Variants in CSMD1 observed in about 807,000 individuals in gnomAD.
CSMD1 encodes the protein CUB and Sushi multiple domains 1.
CSMD1 carries 213 observed loss-of-function variants against 417.5 expected under a neutral mutation model. The observed-to-expected ratio is 0.51, with a 90% CI of 0.46 to 0.57. CSMD1 has a LOEUF of 0.57. Among genes scored for constraint, CSMD1 ranks in the 20% least tolerant of loss-of-function variants. The pLI, the probability that CSMD1 is intolerant of heterozygous loss-of-function variation, is 0.00. For synonymous variants in CSMD1, 2,862 were observed against 1,736.8 expected, an observed-to-expected ratio of 1.65 and a Z score of -16.11; for missense variants, 6,923 against 4,529.7, an observed-to-expected ratio of 1.53 and a Z score of -15.17.
intron 68 of CSMD1, among the ~76,000 whole-genome samples, chr8:2,944,160 C>G (rs1802066365): frequency 6.6e-6 from 1 of 152,212 alleles, no homozygotes; most frequent in Non-Finnish European, 1.5e-5. Flanking sequence ...AGATGCCAGA[C>G]ACTTGCTCTC....
At chr8:4,453,048 G>A (rs987776869) in intron 2 of CSMD1, among the ~76,000 whole-genome samples, 7 of 152,138 alleles carry the variant, frequency 4.6e-5, no homozygotes, top group Non-Finnish European at 5.9e-5. Context: ...TTTCAAGCAT[G>A]TTGTGCTAGG....
chr8:3,404,118 G>C (rs1290450686), intron 15 of CSMD1, among the ~76,000 whole-genome samples: 1 of 152,096 alleles, frequency 6.6e-6, no homozygotes, highest in African/African-American at 2.4e-5. Context: ...CTTCTCCTCT[G>C]AGGTCAGGAG....
chr8:3,458,071 C>A (rs1261333120), intron 12 of CSMD1, among the ~76,000 whole-genome samples: 1 of 152,208 alleles, frequency 6.6e-6, no homozygotes, highest in Non-Finnish European at 1.5e-5. Context: ...TGGAGAACGT[C>A]TCCCAGGAAG....
intron 37 of CSMD1, among the ~76,000 whole-genome samples, chr8:3,169,270 T>C (rs1024233726): frequency 6.6e-6 from 1 of 152,180 alleles, no homozygotes; most frequent in Non-Finnish European, 1.5e-5. Context: ...TTTCAGGACT[T>C]TGGATTTGGC....
intron 1 of CSMD1, among the ~76,000 whole-genome samples, chr8:4,987,205 T>C (rs1484876964): frequency 6.6e-6 from 1 of 152,180 alleles, no homozygotes; most frequent in Non-Finnish European, 1.5e-5. Flanking sequence ...AATCCACTTA[T>C]TCAGAATCAT....
At chr8:4,310,697 G>T (rs1214166253) in intron 3 of CSMD1, among the ~76,000 whole-genome samples, 1 of 152,094 alleles carries the variant, frequency 6.6e-6, no homozygotes, top group Non-Finnish European at 1.5e-5. Flanking sequence ...AACAACCATA[G>T]AACCTGCAAG....
At chr8:4,295,025 T>TACATATAATATATGTATATATTATAC (rs1238170886) in intron 3 of CSMD1, among the ~76,000 whole-genome samples, 2 of 149,180 alleles carry the variant, frequency 1.3e-5, no homozygotes, top group East Asian at 4.0e-4. Flanking sequence ...AGATTATATA[T>TACATATAATATATGTATATATTATAC]ACATATAATA....
At chr8:3,914,450 C>G (rs17067962) in intron 5 of CSMD1, among the ~76,000 whole-genome samples, 1 of 151,968 alleles carries the variant, frequency 6.6e-6, no homozygotes, top group African/African-American at 2.4e-5. Flanking sequence ...CTATTTCTAA[C>G]GCTAATTATT....
chr8:3,572,885 T>C (rs549920293), intron 10 of CSMD1, among the ~76,000 whole-genome samples: 45 of 152,344 alleles, frequency 3.0e-4, no homozygotes, highest in African/African-American at 1.0e-3. Flanking sequence ...CTTCAGAACT[T>C]TTCTAAATTC....
intron 3 of CSMD1, among the ~76,000 whole-genome samples, chr8:4,379,485 G>A (rs960361150): frequency 6.6e-6 from 1 of 152,140 alleles, no homozygotes. Context: ...TTTGACAATT[G>A]CATTCTGGTT....
rs575051897 is a variant in CSMD1 at position 3,422,151 on chromosome 8, T to C, written c.1562-12546A>G. 5.9e-5 allele frequency among the ~76,000 whole-genome samples: 9 copies of C among 152,298 alleles called. No homozygotes were observed. The East Asian group carries it at 1.7e-3, about 29-fold the overall frequency. ...AAGGTCACTCTACTCTGCACCAGTGTTTCATTCCTTTGAAACTTAGTTTCA... is the reference window on the plus strand; with the variant it reads ...AAGGTCACTCTACTCTGCACCAGTGCTTCATTCCTTTGAAACTTAGTTTCA... On this transcript the variant is annotated intron_variant, in intron 12 of 69. Transcript: ENST00000635120.
In CSMD1 at chr8:4,486,100, T is replaced by C. The variant is rs558850032; in HGVS notation, c.303-66035A>G. 2.2e-3 allele frequency among the ~76,000 whole-genome samples: 324 copies of C among 146,948 alleles called. 3 individuals carry two copies. Among genetic ancestry groups the C allele is most frequent in the African/African-American group, 7.7e-3 (306 of 39,816 alleles). ...TTCTCTTTCTCTTTCATCATACATA[T>C]ATATGTATGTATATATACATACATA... On this transcript the variant is annotated intron_variant, in intron 2 of 69. Coordinates refer to ENST00000635120, the MANE Select transcript of CSMD1 (RefSeq NM_033225.6).
In CSMD1 at chr8:4,938,288, T is replaced by C. The variant is rs188362872; in HGVS notation, c.85+56044A>G. Among the ~76,000 whole-genome samples the C allele has an allele frequency of 5.7e-4, 87 of 152,188 alleles. 3 individuals are homozygous for C. Among genetic ancestry groups the C allele is most frequent in the Admixed American group, 5.2e-3 (80 of 15,276 alleles). On this transcript the variant is annotated intron_variant, in intron 1 of 69. Coordinates refer to ENST00000635120, the MANE Select transcript of CSMD1 (RefSeq NM_033225.6). ...ACTCTATTTGTTGGACTTTGCAGAG[T>C]GGGAAATTTGACAGGAAAAGTTTAA...
At chr8:4,244,421 C>T (rs1271687568) in intron 3 of CSMD1, among the ~76,000 whole-genome samples, 1 of 152,054 alleles carries the variant, frequency 6.6e-6, no homozygotes, top group Admixed American at 6.5e-5. Context: ...AGTAGAAAAG[C>T]AGGCCTGTAT....
At chr8:4,664,736 T>C (rs1804810060) in intron 1 of CSMD1, among the ~76,000 whole-genome samples, 2 of 152,160 alleles carry the variant, frequency 1.3e-5, no homozygotes, top group African/African-American at 4.8e-5. Flanking sequence ...AAAGTGTAGA[T>C]GCTAATCTTA....
rs1283706829 is a variant in CSMD1, at chr8:4,089,522, A to T, written c.416-57423T>A. ...GACACATTCCATATATCCAAGTCTT[A>T]TATAGCATTCTGATTTAACACAATT... On this transcript the variant is annotated intron_variant, in intron 3 of 69. Coordinates refer to ENST00000635120, the MANE Select transcript of CSMD1 (RefSeq NM_033225.6). Among the ~76,000 whole-genome samples, 3 of 152,206 alleles carry T rather than the reference A, an allele frequency of 2.0e-5. No homozygotes were observed. The East Asian group carries it at 5.8e-4, about 29-fold the overall frequency.
intron 1 of CSMD1, among the ~76,000 whole-genome samples, chr8:4,805,525 C>A (rs1276828300): frequency 1.3e-5 from 2 of 152,112 alleles, no homozygotes; most frequent in Admixed American, 1.3e-4. Flanking sequence ...TGCCACACTC[C>A]CTCATCACAT....
chr8:3,223,757 C>G lies in CSMD1; in HGVS notation c.4456G>C (p.Asp1486His), dbSNP rs749568061. Residue 1486 changes from aspartate (D) to histidine (H), a missense_variant, in exon 28 of 70, where the codon GAC (aspartate) becomes CAC (histidine). Transcript: ENST00000635120. ...TTGAATATCAAGGCGATGACAAAGT[C>G]CGGGTTCACTTTTACTCTCCAGTCA... ...ECDWRVKVNP[D>H]FVIALIFKSF... 1.2e-6 allele frequency: 2 copies of G among 1,613,836 alleles called. No homozygotes were observed. Among genetic ancestry groups the G allele is most frequent in the South Asian group, 1.1e-5 (1 of 91,076 alleles).
chr8:3,193,124 T>C (rs976147479), intron 33 of CSMD1, among the ~76,000 whole-genome samples: 3 of 152,198 alleles, frequency 2.0e-5, no homozygotes, highest in Admixed American at 2.0e-4. Context: ...CTGGGAGCTA[T>C]ACAAATATAT....
Sources: gnomAD v4.1 joint callset for allele counts (sites outside exome capture counted in the v4.1 genomes callset) on GRCh38, gnomAD v4.1.1 for gene constraint, MANE v1.5 for transcripts, NCBI Gene and HGNC (gene_info 2026-07-23, HGNC 2026-07-21) for gene names.